Variants in NCAM1 observed in about 807,000 individuals in gnomAD.
NCAM1 encodes the protein neural cell adhesion molecule 1.
NCAM1 carries 14 observed loss-of-function variants against 109.8 expected under a neutral mutation model. The ratio of observed to expected loss-of-function variants is 0.13; its 90% CI spans 0.08 to 0.20. The LOEUF (loss-of-function observed/expected upper bound fraction) is 0.20, where lower values mean the gene tolerates loss of function less well. NCAM1 is among the 10% of genes least tolerant of loss of function. The pLI, the probability that NCAM1 is intolerant of heterozygous loss-of-function variation, is 1.00. For synonymous variants in NCAM1, 418 were observed against 442.9 expected, an observed-to-expected ratio of 0.94 and a Z score of 0.70; for missense variants, 774 against 1,109.9, an observed-to-expected ratio of 0.70 and a Z score of 4.30.
At chr11:113,017,784 G>A (rs1952253220) in intron 1 of NCAM1, among the ~76,000 whole-genome samples, 1 of 151,972 alleles carries the variant, frequency 6.6e-6, no homozygotes, top group African/African-American at 2.4e-5. Context: ...TTGATTGGTA[G>A]CAATGATATA....
At chr11:112,972,051 C>T (rs10789931) in intron 1 of NCAM1, among the ~76,000 whole-genome samples, 23,420 of 151,936 alleles carry the variant, frequency 0.15, 2,456 homozygotes, top group East Asian at 0.46. Context: ...TGGTAGACGA[C>T]GGAGAGAGAG....
At chr11:113,042,733 T>C (rs572151789) in intron 1 of NCAM1, among the ~76,000 whole-genome samples, 1 of 152,178 alleles carries the variant, frequency 6.6e-6, no homozygotes, top group Non-Finnish European at 1.5e-5. Flanking sequence ...TGCGAAGGCT[T>C]AGATCTGCCT....
intron 1 of NCAM1, among the ~76,000 whole-genome samples, chr11:113,001,243 A>T (rs1951748090): frequency 6.6e-6 from 1 of 152,182 alleles, no homozygotes; most frequent in Non-Finnish European, 1.5e-5. Context: ...AACAGCAAGC[A>T]TGTAGACTGT....
chr11:113,076,811 C>CT lies in NCAM1; in HGVS notation c.52+115150dup, dbSNP rs1196362599. ...CTTTTGCTGCATCATGTTCAGCCCA[C>CT]TTTATTATATATTTGCATTTAATAC... On this transcript the variant is annotated intron_variant, in intron 1 of 19. Coordinates refer to ENST00000316851, the MANE Select transcript of NCAM1 (RefSeq NM_181351.5). 4.4e-4 allele frequency among the ~76,000 whole-genome samples: 67 copies of CT among 152,116 alleles called. 1 individual carries two copies. The highest frequency in any genetic ancestry group is 4.4e-3 in the Admixed American group (67 of 15,280).
chr11:113,021,507 A>G (rs1483513855), intron 1 of NCAM1, among the ~76,000 whole-genome samples: 1 of 152,216 alleles, frequency 6.6e-6, no homozygotes, highest in Non-Finnish European at 1.5e-5. Flanking sequence ...AAACTGGAGT[A>G]TGTTTGTTTT....
intron 1 of NCAM1, among the ~76,000 whole-genome samples, chr11:113,143,968 C>A (rs1565461316): frequency 6.6e-6 from 1 of 152,162 alleles, no homozygotes; most frequent in Non-Finnish European, 1.5e-5. Context: ...ATTTAGAAGG[C>A]AAGTGACAGC....
chr11:113,183,465 G>A (rs186219101), intron 1 of NCAM1, among the ~76,000 whole-genome samples: 1 of 152,204 alleles, frequency 6.6e-6, no homozygotes, highest in East Asian at 1.9e-4. Context: ...AGGGTTTGCT[G>A]TCAGGTAGTG....
chr11:113,192,039 G>C (rs1385503038), intron 1 of NCAM1, among the ~76,000 whole-genome samples: 2 of 152,216 alleles, frequency 1.3e-5, no homozygotes, highest in African/African-American at 4.8e-5. Context: ...ACAACAGCTG[G>C]ACAAATATTG....
intron 1 of NCAM1, among the ~76,000 whole-genome samples, chr11:113,176,501 G>A (rs1020273724): frequency 7.2e-5 from 11 of 152,098 alleles, no homozygotes; most frequent in Admixed American, 2.6e-4. Flanking sequence ...TTAGGTGAAG[G>A]TCCACTTGAC....
intron 1 of NCAM1, among the ~76,000 whole-genome samples, chr11:113,115,406 C>T (rs550138444): frequency 1.3e-5 from 2 of 152,180 alleles, no homozygotes; most frequent in East Asian, 3.9e-4. Flanking sequence ...GTCTTTTCCC[C>T]AATTCTGTGC....
intron 1 of NCAM1, among the ~76,000 whole-genome samples, chr11:113,044,954 C>G (rs1325927692): frequency 1.3e-5 from 2 of 151,828 alleles, no homozygotes; most frequent in African/African-American, 4.8e-5. Flanking sequence ...CGGGGTTTCA[C>G]CGTGTTAGCA....
At position 112,993,757 on chromosome 11, in the gene NCAM1, C is replaced by T. The variant is rs191401879; in HGVS notation, c.52+32093C>T. Among the ~76,000 whole-genome samples, 19 of 152,262 alleles carry T rather than the reference C, an allele frequency of 1.2e-4. No individual in the cohort carries two copies. In the East Asian group the frequency reaches 3.7e-3, roughly 29 times the overall value. ...TTATGATGAACAAGTAAATATTGTT[C>T]ACTGAGGAGCCAAGTGGTATACGAT... On this transcript the variant is annotated intron_variant, in intron 1 of 19. Transcript: ENST00000316851.
At chr11:113,215,236 C>T (rs1412366527) in intron 8 of NCAM1, among the ~76,000 whole-genome samples, 3 of 152,072 alleles carry the variant, frequency 2.0e-5, no homozygotes, top group African/African-American at 7.2e-5. Flanking sequence ...GAGGTGACCC[C>T]ACATCATACA....
At chr11:113,102,111 A>T (rs1219628592) in intron 1 of NCAM1, among the ~76,000 whole-genome samples, 1 of 152,136 alleles carries the variant, frequency 6.6e-6, no homozygotes, top group African/African-American at 2.4e-5. Context: ...ATTGTAATAA[A>T]CTCTACCCTT....
chr11:113,008,889 C>A (rs1951959213), intron 1 of NCAM1, among the ~76,000 whole-genome samples: 1 of 152,138 alleles, frequency 6.6e-6, no homozygotes, highest in Non-Finnish European at 1.5e-5. Context: ...CTCAGTATGG[C>A]CCACTGAGCC....
intron 1 of NCAM1, among the ~76,000 whole-genome samples, chr11:113,182,895 C>T (rs532094439): frequency 6.6e-6 from 1 of 152,262 alleles, no homozygotes; most frequent in East Asian, 1.9e-4. Context: ...AAGATTGGCT[C>T]AGAACTGGGT....
intron 1 of NCAM1, among the ~76,000 whole-genome samples, chr11:113,132,387 C>T (rs1406927811): frequency 6.6e-6 from 1 of 152,160 alleles, no homozygotes; most frequent in Non-Finnish European, 1.5e-5. Context: ...GGACAGGTTC[C>T]TTCAATTCAC....
At chr11:112,975,567 T>G (rs1396056364) in intron 1 of NCAM1, among the ~76,000 whole-genome samples, 1 of 152,028 alleles carries the variant, frequency 6.6e-6, no homozygotes, top group Non-Finnish European at 1.5e-5. Context: ...CTTTTGTGTG[T>G]GTAAGTGAAA....
chr11:113,273,747 G>A lies in NCAM1; in HGVS notation c.2457-1520G>A, dbSNP rs1196282317. ...TGTTTCGCCTGCGCCAGCAAAGACCGAGTACGGCCTCTCTTTGTCTGCTGT... is the reference window on the plus strand; with the variant it reads ...TGTTTCGCCTGCGCCAGCAAAGACCAAGTACGGCCTCTCTTTGTCTGCTGT... On this transcript the variant is annotated intron_variant, in intron 19 of 19. Coordinates refer to ENST00000316851, the MANE Select transcript of NCAM1 (RefSeq NM_181351.5). The surrounding 1 kb of genome is among the most constrained non-coding windows in gnomAD (Gnocchi z 6.0). 3 of 436,718 alleles carry A rather than the reference G, an allele frequency of 6.9e-6. No individual in the cohort carries two copies. Among genetic ancestry groups the A allele is most frequent in the Non-Finnish European group, 1.4e-5 (3 of 214,790 alleles). The allele number at this position is 436,718 out of a possible 1,614,324, so 27.1% of individuals were successfully genotyped here.
Sources: gnomAD v4.1 joint callset for allele counts (sites outside exome capture counted in the v4.1 genomes callset) on GRCh38, gnomAD v4.1.1 for gene constraint, Gnocchi (gnomAD v3.1) non-coding constraint, MANE v1.5 for transcripts, NCBI Gene and HGNC (gene_info 2026-07-23, HGNC 2026-07-21) for gene names.